MIR2052HG: variants seen among roughly 807,000 people sequenced by gnomAD.
MIR2052HG encodes MIR2052 host gene.
rs56139494 is a variant in MIR2052HG, at chr8:74,683,661, G to A, written n.217-18718G>A. Reference sequence around the variant, plus strand: ...CTGGTGCCATTCTTTGTATCTTAACGTTTATTTTTATGTTCTGTTTTTATT... The same window carrying A: ...CTGGTGCCATTCTTTGTATCTTAACATTTATTTTTATGTTCTGTTTTTATT... On this transcript the variant is annotated intron_variant and non_coding_transcript_variant, in intron 2 of 6. Coordinates refer to ENST00000523442, the Ensembl canonical transcript of MIR2052HG. Among the ~76,000 whole-genome samples, 503 of 152,052 alleles carry A rather than the reference G, an allele frequency of 3.3e-3. 2 individuals carry two copies. Among genetic ancestry groups the A allele is most frequent in the South Asian group, 0.011 (51 of 4,820 alleles).
chr8:74,619,386 A>T (rs1275169125), intron 2 of MIR2052HG, among the ~76,000 whole-genome samples: 3 of 152,234 alleles, frequency 2.0e-5, no homozygotes, highest in Non-Finnish European at 4.4e-5. Context: ...AAGCTATAGT[A>T]ATCAAAACAG....
intron 2 of MIR2052HG, among the ~76,000 whole-genome samples, chr8:74,697,579 A>G (rs1328207166): frequency 1.3e-5 from 2 of 152,146 alleles, no homozygotes; most frequent in Admixed American, 6.6e-5. Context: ...ATAAAACCCT[A>G]AAGACGCATC....
intron 2 of MIR2052HG, among the ~76,000 whole-genome samples, chr8:74,652,223 G>T (rs955465882): frequency 6.6e-6 from 1 of 152,188 alleles, no homozygotes; most frequent in African/African-American, 2.4e-5. Flanking sequence ...TGATAGTCCT[G>T]CCTGTGGGAG....
chr8:74,611,197 C>A lies in MIR2052HG; in HGVS notation n.129-1656C>A, dbSNP rs1808189693. On this transcript the variant is annotated intron_variant and non_coding_transcript_variant, in intron 1 of 6. Transcript: ENST00000523442. ...CTACATCAGAAAATATATATAATGG[C>A]AAATAAGCACATTAAAACACTAAAC... Among the ~76,000 whole-genome samples, 4 of 151,834 alleles carry A rather than the reference C, an allele frequency of 2.6e-5. 1 individual carries two copies. The South Asian group carries it at 8.3e-4, about 32-fold the overall frequency.
chr8:74,716,043 C>T (rs1809517149), intron 4 of MIR2052HG, among the ~76,000 whole-genome samples: 1 of 152,208 alleles, frequency 6.6e-6, no homozygotes, highest in Non-Finnish European at 1.5e-5. Context: ...CCAGAAAGCT[C>T]TGGTAGGAGG....
intron 2 of MIR2052HG, among the ~76,000 whole-genome samples, chr8:74,694,439 G>A (rs76031716): frequency 0.018 from 2,792 of 152,152 alleles, 72 homozygotes; most frequent in African/African-American, 0.063. Context: ...CTGGTAATAC[G>A]ACGAAACTAG....
At chr8:74,754,372 A>C (rs1008458915) in intron 5 of MIR2052HG, among the ~76,000 whole-genome samples, 1 of 152,238 alleles carries the variant, frequency 6.6e-6, no homozygotes, top group Non-Finnish European at 1.5e-5. Flanking sequence ...ACTGGTGGAA[A>C]GCACAGAAGA....
intron 2 of MIR2052HG, among the ~76,000 whole-genome samples, chr8:74,663,217 T>A (rs1808885829): frequency 1.3e-5 from 2 of 152,142 alleles, no homozygotes; most frequent in Admixed American, 1.3e-4. Flanking sequence ...TACACTGACT[T>A]TTTTTGCCCA....
intron 2 of MIR2052HG, among the ~76,000 whole-genome samples, chr8:74,668,448 T>A (rs971398120): frequency 1.3e-5 from 2 of 152,300 alleles, no homozygotes; most frequent in African/African-American, 4.8e-5. Context: ...TAATTTTGTC[T>A]TTAGTTACAG....
At chr8:74,636,199 A>G (rs922131977) in intron 2 of MIR2052HG, among the ~76,000 whole-genome samples, 2 of 152,172 alleles carry the variant, frequency 1.3e-5, no homozygotes, top group East Asian at 3.9e-4. Context: ...AGGGGGATCC[A>G]GAAGGTTCAG....
At chr8:74,681,370 C>CA (rs1809122840) in intron 2 of MIR2052HG, among the ~76,000 whole-genome samples, 1 of 151,816 alleles carries the variant, frequency 6.6e-6, no homozygotes, top group South Asian at 2.1e-4. Context: ...ACAGGTGAGC[C>CA]AAAACCTTTC....
At chr8:74,683,254 A>T (rs888315758) in intron 2 of MIR2052HG, among the ~76,000 whole-genome samples, 31 of 152,280 alleles carry the variant, frequency 2.0e-4, no homozygotes, top group Non-Finnish European at 1.2e-4. Flanking sequence ...TTTTCAGGAT[A>T]ATAGTTCTTT....
At chr8:74,624,003 A>C (rs1017920030) in intron 2 of MIR2052HG, among the ~76,000 whole-genome samples, 1 of 152,222 alleles carries the variant, frequency 6.6e-6, no homozygotes, top group Non-Finnish European at 1.5e-5. Context: ...TCCCTTTTAC[A>C]TTTGGCATTC....
chr8:74,678,422 G>A (rs1203361419), intron 2 of MIR2052HG, among the ~76,000 whole-genome samples: 1 of 151,920 alleles, frequency 6.6e-6, no homozygotes, highest in African/African-American at 2.4e-5. Context: ...AATTAGCCGG[G>A]TGTAGTGGCA....
chr8:74,680,876 T>G (rs1809116409), intron 2 of MIR2052HG, among the ~76,000 whole-genome samples: 1 of 151,458 alleles, frequency 6.6e-6, no homozygotes, highest in Non-Finnish European at 1.5e-5. Flanking sequence ...TGGAATACTA[T>G]GCAGCCAGAA....
At chr8:74,723,793 G>T (rs1039596188) in intron 4 of MIR2052HG, among the ~76,000 whole-genome samples, 1 of 152,182 alleles carries the variant, frequency 6.6e-6, no homozygotes, top group Non-Finnish European at 1.5e-5. Context: ...AGTTCTTCAT[G>T]TAAGTCAAAA....
intron 5 of MIR2052HG, chr8:74,756,951 C>T (rs1045453603): frequency 6.6e-6 from 1 of 152,198 alleles, no homozygotes; most frequent in Non-Finnish European, 1.5e-5. Flanking sequence ...AGACTAGGGA[C>T]TGGCCAGCTA....
chr8:74,730,749 G>A (rs1311838688), intron 4 of MIR2052HG, among the ~76,000 whole-genome samples: 1 of 152,028 alleles, frequency 6.6e-6, no homozygotes, highest in African/African-American at 2.4e-5. Flanking sequence ...ACTCACATGA[G>A]TTTACATGAA....
chr8:74,756,042 C>T (rs541288571), intron 5 of MIR2052HG, among the ~76,000 whole-genome samples: 3 of 152,170 alleles, frequency 2.0e-5, no homozygotes, highest in Non-Finnish European at 2.9e-5. Flanking sequence ...CTCCAGACCA[C>T]CTGCACTCCT....
Sources: gnomAD v4.1 joint callset for allele counts (sites outside exome capture counted in the v4.1 genomes callset) on GRCh38, gnomAD v4.1.1 for gene constraint, MANE v1.5 for transcripts, NCBI Gene and HGNC (gene_info 2026-07-23, HGNC 2026-07-21) for gene names.